STK32B: variants seen among roughly 807,000 people sequenced by gnomAD.
The protein encoded by STK32B is serine/threonine-protein kinase 32B.
In STK32B, 43 loss-of-function variants were observed where a neutral mutation model predicts 52.6. The ratio of observed to expected loss-of-function variants is 0.82; its 90% CI spans 0.64 to 1.05. The LOEUF (loss-of-function observed/expected upper bound fraction) is 1.05, where lower values mean the gene tolerates loss of function less well. STK32B is among the 50% of genes least tolerant of loss of function. The pLI, the probability that STK32B is intolerant of heterozygous loss-of-function variation, is 0.00. For missense variants in STK32B, 621 were observed against 534.6 expected (o/e 1.16, Z -1.59); for synonymous variants, 238 against 204.3 (o/e 1.17, Z -1.41).
chr4:5,036,057 C>G, the STK32B span, among the ~76,000 whole-genome samples: 1 of 152,072 alleles, frequency 6.6e-6, no homozygotes, highest in East Asian at 1.9e-4. Context: ...GCTGGGATTA[C>G]AGGCGTGAGC....
the STK32B span, among the ~76,000 whole-genome samples, chr4:5,021,582 C>G: frequency 2.0e-5 from 3 of 152,176 alleles, no homozygotes; most frequent in African/African-American, 4.8e-5. Context: ...GGAAGAAAAA[C>G]AAGCCCATGG....
At chr4:5,486,449 T>C (rs536925862) in intron 11 of STK32B, among the ~76,000 whole-genome samples, 23 of 152,130 alleles carry the variant, frequency 1.5e-4, no homozygotes, top group Non-Finnish European at 2.9e-4. Flanking sequence ...AGTATTAGGG[T>C]GGGAGGGACC....
chr4:5,342,612 C>T (rs10004637), intron 4 of STK32B, among the ~76,000 whole-genome samples: 1 of 151,956 alleles, frequency 6.6e-6, no homozygotes, highest in Non-Finnish European at 1.5e-5. Context: ...AAATCTCTCC[C>T]CAGGATCCAA....
At chr4:5,205,700 G>GCA (rs1234418125) in intron 3 of STK32B, among the ~76,000 whole-genome samples, 15 of 72,036 alleles carry the variant, frequency 2.1e-4, no homozygotes, top group Non-Finnish European at 4.0e-4. Context: ...CCAGGCGCGC[G>GCA]CGCGTGTGTG....
chr4:5,429,527 A>G (rs1227576576), intron 6 of STK32B, among the ~76,000 whole-genome samples: 1 of 146,768 alleles, frequency 6.8e-6, no homozygotes, highest in Non-Finnish European at 1.5e-5. Context: ...TAATATACCC[A>G]AATTCATTCT....
At chr4:5,140,110 TC>T (rs1435255592) in intron 2 of STK32B, 150 bp downstream of exon 2, 35 of 1,419,174 alleles carry the variant, frequency 2.5e-5, no homozygotes, top group Non-Finnish European at 3.3e-5. Context: ...CTGAATAGTT[TC>T]CTTGCGATCT....
intron 6 of STK32B, among the ~76,000 whole-genome samples, chr4:5,439,653 C>G (rs7438719): frequency 0.26 from 38,874 of 151,454 alleles, 5,698 homozygotes; most frequent in East Asian, 0.68. Flanking sequence ...ATTGCTTTTG[C>G]TGTTTTAGAC....
At chr4:5,226,751 C>T (rs967655099) in intron 3 of STK32B, among the ~76,000 whole-genome samples, 2 of 152,150 alleles carry the variant, frequency 1.3e-5, no homozygotes, top group African/African-American at 4.8e-5. Flanking sequence ...TTGTTAATCT[C>T]TTACTGGTTC....
intron 6 of STK32B, among the ~76,000 whole-genome samples, chr4:5,435,006 T>C (rs548529371): frequency 6.6e-6 from 1 of 152,248 alleles, no homozygotes; most frequent in Non-Finnish European, 1.5e-5. Context: ...TAGCCCCTAA[T>C]CTCTGTGGGC....
rs1455411693 is a variant in STK32B at position 5,181,171 on chromosome 4, C to T, written c.260+12721C>T. ...CTGCTATGGACCAAATTGTGTCCCCCTGCCTCAAATTCATATGTTGAAACC... is the reference window on the plus strand; with the variant it reads ...CTGCTATGGACCAAATTGTGTCCCCTTGCCTCAAATTCATATGTTGAAACC... On this transcript the variant is annotated intron_variant, in intron 3 of 11. Coordinates refer to ENST00000282908, the MANE Select transcript of STK32B (RefSeq NM_018401.3). 6.6e-5 allele frequency among the ~76,000 whole-genome samples: 10 copies of T among 152,296 alleles called. No homozygotes were observed. The East Asian group carries it at 1.7e-3, about 26-fold the overall frequency.
At chr4:5,254,564 C>T (rs1358960569) in intron 3 of STK32B, among the ~76,000 whole-genome samples, 1 of 151,932 alleles carries the variant, frequency 6.6e-6, no homozygotes, top group Non-Finnish European at 1.5e-5. Context: ...TTTAATATGC[C>T]ATGTATTCAT....
At chr4:5,312,651 G>A (rs1730384055) in intron 3 of STK32B, among the ~76,000 whole-genome samples, 2 of 151,922 alleles carry the variant, frequency 1.3e-5, no homozygotes. Flanking sequence ...ATTCCATGGT[G>A]TATATGTGCC....
intron 3 of STK32B, among the ~76,000 whole-genome samples, chr4:5,181,611 G>T (rs774196180): frequency 6.6e-6 from 1 of 152,174 alleles, no homozygotes; most frequent in East Asian, 1.9e-4. Flanking sequence ...AATAAAGCAA[G>T]AAACACAATT....
At chr4:5,043,135 AAC>A in the STK32B span, among the ~76,000 whole-genome samples, 1 of 150,890 alleles carries the variant, frequency 6.6e-6, no homozygotes, top group East Asian at 1.9e-4. Flanking sequence ...AAAAAAAAAA[AAC>A]CTGTGCAGCA....
chr4:5,168,764 G>A (rs541371069), intron 3 of STK32B, among the ~76,000 whole-genome samples: 1 of 152,314 alleles, frequency 6.6e-6, no homozygotes, highest in South Asian at 2.1e-4. Context: ...AAGGGAGTGG[G>A]GAGCTCAGTG....
intron 3 of STK32B, among the ~76,000 whole-genome samples, chr4:5,303,376 T>G (rs1431148219): frequency 2.0e-5 from 3 of 152,224 alleles, no homozygotes; most frequent in Non-Finnish European, 4.4e-5. Context: ...ATGGCCATTC[T>G]TGTCAGAGTG....
At chr4:5,218,662 AT>A (rs1206789899) in intron 3 of STK32B, among the ~76,000 whole-genome samples, 1 of 152,174 alleles carries the variant, frequency 6.6e-6, no homozygotes, top group East Asian at 1.9e-4. Context: ...GGCGAGGTGG[AT>A]TCCTTTAGCA....
chr4:5,427,116 T>G (rs1474552586), intron 6 of STK32B: 1 of 152,220 alleles, frequency 6.6e-6, no homozygotes, highest in Non-Finnish European at 1.5e-5. Context: ...AAATGCATGT[T>G]GAATTTGGTC....
chr4:5,052,034 T>C, intron 1 of STK32B, 119 bp downstream of exon 1: 1 of 1,444,260 alleles, frequency 6.9e-7, no homozygotes, highest in Non-Finnish European at 9.5e-7. Flanking sequence ...GCATGGCCAC[T>C]TCGCCCAGCG....
Sources: allele counts gnomAD v4.1 joint callset (sites outside exome capture counted in the v4.1 genomes callset), GRCh38; gene constraint gnomAD v4.1.1; transcripts MANE v1.5; gene names NCBI Gene and HGNC (gene_info 2026-07-23, HGNC 2026-07-21).